The following NALCN variants were observed in gnomAD, a reference collection of about 807,000 sequenced individuals.
NALCN encodes the protein sodium leak channel NALCN.
Under a neutral mutation model 225.3 loss-of-function variants are expected in NALCN, and 111 were observed. The ratio of observed to expected loss-of-function variants is 0.49; its 90% CI spans 0.42 to 0.58. NALCN has a LOEUF of 0.58. NALCN is among the 20% of genes least tolerant of loss of function. NALCN has a pLI of 0.00. For missense variants in NALCN, 1,378 were observed against 2,202.4 expected (o/e 0.63, Z 7.49); for synonymous variants, 764 against 769.0 (o/e 0.99, Z 0.11).
intron 15 of NALCN, among the ~76,000 whole-genome samples, chr13:101,147,432 G>A (rs747185261): frequency 4.8e-5 from 7 of 145,094 alleles, no homozygotes; most frequent in Non-Finnish European, 1.0e-4. Context: ...TTGGCTCACC[G>A]CAACCTCTGC....
At chr13:101,334,660 C>G (rs2045318825) in intron 7 of NALCN, among the ~76,000 whole-genome samples, 1 of 152,178 alleles carries the variant, frequency 6.6e-6, no homozygotes, top group South Asian at 2.1e-4. Flanking sequence ...CGCCAGCTAT[C>G]TCATATTAAA....
chr13:101,295,979 G>C lies in NALCN; in HGVS notation c.800-3613C>G, dbSNP rs150424531. On this transcript the variant is annotated intron_variant, in intron 7 of 43. Transcript: ENST00000251127. ...GGAGGACCCTGAGAAAGAAACTGTA[G>C]CTACTGAAACTTCTTTTGCACAGTC... 9.9e-3 allele frequency among the ~76,000 whole-genome samples: 1,505 copies of C among 152,298 alleles called. 7 individuals are homozygous for C. Among genetic ancestry groups the C allele is most frequent in the Admixed American group, 0.021 (325 of 15,300 alleles).
At chr13:101,361,055 C>G (rs907172375) in intron 6 of NALCN, among the ~76,000 whole-genome samples, 6 of 152,110 alleles carry the variant, frequency 3.9e-5, no homozygotes, top group African/African-American at 1.2e-4. Context: ...CTCAGCCTTG[C>G]CTAAAAATAC....
At chr13:101,250,625 A>C (rs2140190641) in intron 11 of NALCN, among the ~76,000 whole-genome samples, 1 of 152,090 alleles carries the variant, frequency 6.6e-6, no homozygotes, top group Non-Finnish European at 1.5e-5. Context: ...AAAAAGCACA[A>C]CTTGAAAACT....
intron 15 of NALCN, among the ~76,000 whole-genome samples, chr13:101,159,966 T>TTATTTTATTG (rs1555301976): frequency 1.3e-5 from 2 of 152,084 alleles, no homozygotes; most frequent in Non-Finnish European, 2.9e-5. Flanking sequence ...TTATTTTATT[T>TTATTTTATTG]TATTTTGAGA....
chr13:101,199,288 T>TA (rs1462582349), intron 13 of NALCN, among the ~76,000 whole-genome samples: 1 of 148,498 alleles, frequency 6.7e-6, no homozygotes, highest in African/African-American at 2.5e-5. Flanking sequence ...TAAAGTATAA[T>TA]AAAAAAAAGA....
intron 7 of NALCN, among the ~76,000 whole-genome samples, chr13:101,329,432 G>T (rs1335367961): frequency 6.6e-6 from 1 of 152,076 alleles, no homozygotes; most frequent in Non-Finnish European, 1.5e-5. Flanking sequence ...TTGCTGATTT[G>T]CAGTCTTGTC....
chr13:101,083,898 T>C (rs754775936), intron 30 of NALCN, 94 bp from the exon 31 acceptor site: 19 of 1,159,488 alleles, frequency 1.6e-5, no homozygotes, highest in Non-Finnish European at 2.3e-5. Context: ...AGGACTGATG[T>C]GAGGGCTTGC....
At chr13:101,257,430 C>T (rs907692676) in intron 11 of NALCN, among the ~76,000 whole-genome samples, 1 of 152,082 alleles carries the variant, frequency 6.6e-6, no homozygotes, top group African/African-American at 2.4e-5. Context: ...GCAATCAATT[C>T]TTTTTCAGAA....
chr13:101,065,697 C>A, intron 39 of NALCN, 136 bp from the exon 40 acceptor site: 1 of 1,029,192 alleles, frequency 9.7e-7, no homozygotes, highest in Non-Finnish European at 1.4e-6. Flanking sequence ...AGCTGGTCAC[C>A]TCCTTGGAGC....
chr13:101,378,734 AT>A, intron 3 of NALCN, 81 bp from the exon 4 acceptor site: 3 of 1,191,202 alleles, frequency 2.5e-6, no homozygotes, highest in Non-Finnish European at 3.6e-6. Context: ...GTCAAATATT[AT>A]TTCAATAAAA....
intron 6 of NALCN, among the ~76,000 whole-genome samples, chr13:101,350,602 C>T (rs899680281): frequency 6.6e-6 from 1 of 152,100 alleles, no homozygotes; most frequent in African/African-American, 2.4e-5. Flanking sequence ...CCATGAAGTC[C>T]CTGACACAGC....
chr13:101,230,242 A>G (rs2041292999), intron 12 of NALCN, among the ~76,000 whole-genome samples: 1 of 152,220 alleles, frequency 6.6e-6, no homozygotes, highest in African/African-American at 2.4e-5. Context: ...GGATACAGAT[A>G]CTCAACCTGT....
At chr13:101,316,195 G>A (rs1450639553) in intron 7 of NALCN, among the ~76,000 whole-genome samples, 1 of 152,112 alleles carries the variant, frequency 6.6e-6, no homozygotes, top group Admixed American at 6.5e-5. Context: ...AAACTTAAAT[G>A]CCTTGTCCTC....
intron 7 of NALCN, among the ~76,000 whole-genome samples, chr13:101,308,118 T>A (rs1165636780): frequency 6.6e-6 from 1 of 152,224 alleles, no homozygotes; most frequent in African/African-American, 2.4e-5. Flanking sequence ...ATAAATGAAG[T>A]CAAATTTCAT....
chr13:101,162,856 G>A (rs1026367700), intron 15 of NALCN, among the ~76,000 whole-genome samples: 8 of 152,162 alleles, frequency 5.3e-5, no homozygotes, highest in African/African-American at 1.9e-4. Flanking sequence ...TGAAGTGTGA[G>A]CTTCTCTCCT....
chr13:101,345,462 A>G (rs1391119828), intron 6 of NALCN, 42 bp from the exon 7 acceptor site: 1 of 1,593,074 alleles, frequency 6.3e-7, no homozygotes, highest in Non-Finnish European at 8.6e-7. Flanking sequence ...TTCAACAATC[A>G]TAAATGTTGA....
At chr13:101,116,561 CAGA>C (rs761171076) in intron 18 of NALCN, 2 of 515,500 alleles carry the variant, frequency 3.9e-6, no homozygotes, top group South Asian at 2.8e-5. Flanking sequence ...CTTAATGTCC[CAGA>C]ACAAGGGTGT....
At chr13:101,142,794 C>T in intron 17 of NALCN, 1 of 400,354 alleles carries the variant, frequency 2.5e-6, no homozygotes, top group Non-Finnish European at 4.7e-6. Context: ...GAGATCCCAG[C>T]CCTTTATTCC....
Sources: gnomAD v4.1 joint callset for allele counts (sites outside exome capture counted in the v4.1 genomes callset) on GRCh38, gnomAD v4.1.1 for gene constraint, MANE v1.5 for transcripts, NCBI Gene and HGNC (gene_info 2026-07-23, HGNC 2026-07-21) for gene names.